Variants in GALNTL6 observed in about 807,000 individuals in gnomAD.
GALNTL6 encodes polypeptide N-acetylgalactosaminyltransferase like 6, also known as polypeptide N-acetylgalactosaminyltransferase-like 6.
GALNTL6 carries 46 observed loss-of-function variants against 73.7 expected under a neutral mutation model. That is an observed-to-expected ratio of 0.62 (90% CI 0.49 to 0.80). The LOEUF is 0.80. Ranked by LOEUF, GALNTL6 falls within the 30% of genes least tolerant of loss-of-function variation. GALNTL6 has a pLI of 0.00. For missense variants in GALNTL6, 604 were observed against 755.0 expected (o/e 0.80, Z 2.34); for synonymous variants, 259 against 263.7 (o/e 0.98, Z 0.17).
In GALNTL6 at chr4:172,970,354, G is replaced by C. The variant is rs568969098; in HGVS notation, c.1371+18096G>C. 5.9e-5 allele frequency among the ~76,000 whole-genome samples: 9 copies of C among 152,250 alleles called. No individual in the cohort carries two copies. The East Asian group carries it at 1.4e-3, about 23-fold the overall frequency. On this transcript the variant is annotated intron_variant, in intron 10 of 12. Coordinates refer to ENST00000506823, the MANE Select transcript of GALNTL6 (RefSeq NM_001034845.3). ...TTTCCCCACCCTAATAAGCCTGAGGGTACTACAGGAGACCGGGGTGTATTT... is the reference window on the plus strand; with the variant it reads ...TTTCCCCACCCTAATAAGCCTGAGGCTACTACAGGAGACCGGGGTGTATTT...
At chr4:172,449,896 G>A (rs941330999) in intron 5 of GALNTL6, among the ~76,000 whole-genome samples, 1 of 152,084 alleles carries the variant, frequency 6.6e-6, no homozygotes, top group Non-Finnish European at 1.5e-5. Flanking sequence ...CTCCAACCTA[G>A]CATGGCCAAG....
rs183743034 is a variant in GALNTL6, at chr4:172,402,803, G to T, written c.553+54114G>T. On this transcript the variant is annotated intron_variant, in intron 5 of 12. Transcript: ENST00000506823. Reference sequence around the variant, plus strand: ...AGGTATCAGAATATTCAAAATAAGAGAAACGAAGTTGAGGGTGAAAAGGAA... The same window carrying T: ...AGGTATCAGAATATTCAAAATAAGATAAACGAAGTTGAGGGTGAAAAGGAA... 2.6e-5 allele frequency among the ~76,000 whole-genome samples: 4 copies of T among 152,098 alleles called. No individual in the cohort carries two copies. In the East Asian group the frequency reaches 7.7e-4, roughly 29 times the overall value.
chr4:172,970,062 AG>A, intron 10 of GALNTL6, among the ~76,000 whole-genome samples: 1 of 152,178 alleles, frequency 6.6e-6, no homozygotes, highest in East Asian at 1.9e-4. Context: ...TCAAAAGGGG[AG>A]GGTGTGTACG....
At chr4:172,474,611 G>A (rs10029297) in intron 5 of GALNTL6, among the ~76,000 whole-genome samples, 135,325 of 152,262 alleles carry the variant, frequency 0.89, 60,198 homozygotes, top group African/African-American at 0.93. Context: ...ATATAAGAGT[G>A]AAGAATCTTC....
Position 171,872,877 on chromosome 4 carries a change from A to G in GALNTL6, c.138+58159A>G, listed in dbSNP as rs111282466. Among the ~76,000 whole-genome samples the G allele has an allele frequency of 3.6e-3, 551 of 152,318 alleles. 5 individuals are homozygous for G. Among genetic ancestry groups the G allele is most frequent in the African/African-American group, 0.012 (513 of 41,566 alleles). On this transcript the variant is annotated intron_variant, in intron 2 of 12. Transcript: ENST00000506823. The stretch of plus-strand genomic sequence containing the variant: ...CTCCAACATGTCATTTTTGGGGGAC[A>G]TAATTCAACCCATAACGCTCTCTAC...
intron 2 of GALNTL6, among the ~76,000 whole-genome samples, chr4:172,007,088 C>A (rs1354245343): frequency 2.0e-5 from 3 of 151,674 alleles, no homozygotes; most frequent in Admixed American, 6.6e-5. Flanking sequence ...AATAAATTGC[C>A]ACTGTGGTTA....
In GALNTL6 at chr4:172,167,335, A is replaced by G. The variant is rs534221843; in HGVS notation, c.139-62321A>G. 1.8e-4 allele frequency among the ~76,000 whole-genome samples: 28 copies of G among 152,338 alleles called. No homozygotes were observed. The South Asian group carries it at 5.8e-3, about 32-fold the overall frequency. ...AGGCCCACAAGACTTCTGAGTACCA[A>G]AGGCATGTATAATAATTTAGAAGAT... is the stretch of plus-strand genomic sequence containing the variant. On this transcript the variant is annotated intron_variant, in intron 2 of 12. Coordinates refer to ENST00000506823, the MANE Select transcript of GALNTL6 (RefSeq NM_001034845.3).
chr4:172,639,981 TCCACTTTTC>T (rs1414975641), intron 5 of GALNTL6, among the ~76,000 whole-genome samples: 1 of 152,088 alleles, frequency 6.6e-6, no homozygotes, highest in Non-Finnish European at 1.5e-5. Context: ...AATCTTTCAT[TCCACTTTTC>T]CCACATGTTA....
chr4:172,399,859 A>C (rs1743977241), intron 5 of GALNTL6, among the ~76,000 whole-genome samples: 1 of 152,144 alleles, frequency 6.6e-6, no homozygotes, highest in African/African-American at 2.4e-5. Flanking sequence ...CCCTAAATTT[A>C]CTATTTGTTA....
At chr4:172,966,942 C>T (rs1174491582) in intron 10 of GALNTL6, among the ~76,000 whole-genome samples, 1 of 152,214 alleles carries the variant, frequency 6.6e-6, no homozygotes, top group Non-Finnish European at 1.5e-5. Flanking sequence ...TTAGCAACCT[C>T]AAGGTCATCG....
chr4:171,918,180 G>A (rs1737681848), intron 2 of GALNTL6, among the ~76,000 whole-genome samples: 3 of 151,946 alleles, frequency 2.0e-5, no homozygotes, highest in South Asian at 2.1e-4. Context: ...ACTTACGGGC[G>A]TTAAGTTGGC....
At chr4:172,796,284 C>T (rs150058203) in intron 5 of GALNTL6, among the ~76,000 whole-genome samples, 6 of 152,228 alleles carry the variant, frequency 3.9e-5, no homozygotes, top group Non-Finnish European at 5.9e-5. Flanking sequence ...TAGTCACTGG[C>T]GTTTATTGAG....
At chr4:172,286,577 T>TAATGATTTTGGAGA (rs1453436254) in intron 3 of GALNTL6, among the ~76,000 whole-genome samples, 2 of 152,222 alleles carry the variant, frequency 1.3e-5, no homozygotes. Context: ...GGTTATGGGC[T>TAATGATTTTGGAGA]AATGATTTTG....
At chr4:171,994,374 G>T (rs548356746) in intron 2 of GALNTL6, among the ~76,000 whole-genome samples, 4 of 152,176 alleles carry the variant, frequency 2.6e-5, no homozygotes, top group East Asian at 1.9e-4. Flanking sequence ...GATATTTAAT[G>T]GTTGTTTATT....
chr4:172,299,964 G>A (rs535882516), intron 3 of GALNTL6, among the ~76,000 whole-genome samples: 77 of 152,228 alleles, frequency 5.1e-4, no homozygotes, highest in African/African-American at 1.5e-3. Flanking sequence ...TGTTGACAGT[G>A]GGGTGTTAAA....
chr4:171,828,464 A>G (rs936510503), intron 2 of GALNTL6, among the ~76,000 whole-genome samples: 1 of 152,194 alleles, frequency 6.6e-6, no homozygotes, highest in Non-Finnish European at 1.5e-5. Flanking sequence ...TACAAGACAA[A>G]GTAGAGTTGT....
At position 172,464,334 on chromosome 4, in the gene GALNTL6, C is replaced by G. The variant is rs549920016; in HGVS notation, c.553+115645C>G. Among the ~76,000 whole-genome samples, 19 of 152,136 alleles carry G rather than the reference C, an allele frequency of 1.2e-4. No homozygotes were observed. In the South Asian group the frequency reaches 3.7e-3, roughly 30 times the overall value. On this transcript the variant is annotated intron_variant, in intron 5 of 12. Transcript: ENST00000506823. ...CTAATATTGAGAATTTATTATGCAC[C>G]AGGCACTGTTCTAAATATTTTGTGA...
At chr4:172,872,640 A>C (rs948261153) in intron 7 of GALNTL6, among the ~76,000 whole-genome samples, 1 of 152,138 alleles carries the variant, frequency 6.6e-6, no homozygotes, top group Admixed American at 6.5e-5. Flanking sequence ...TACAAGAAAC[A>C]CTTTTGGAAC....
intron 2 of GALNTL6, among the ~76,000 whole-genome samples, chr4:172,084,634 A>G (rs1731974124): frequency 6.6e-6 from 1 of 152,072 alleles, no homozygotes; most frequent in Non-Finnish European, 1.5e-5. Flanking sequence ...TTTATTTTTT[A>G]TTTATGCAGT....
Sources: gnomAD v4.1 joint callset for allele counts (sites outside exome capture counted in the v4.1 genomes callset) on GRCh38, gnomAD v4.1.1 for gene constraint, MANE v1.5 for transcripts, NCBI Gene and HGNC (gene_info 2026-07-23, HGNC 2026-07-21) for gene names.